TOP1MT: variants seen among roughly 807,000 people sequenced by gnomAD.
TOP1MT encodes the protein DNA topoisomerase I mitochondrial, also known as DNA topoisomerase I, mitochondrial.
TOP1MT carries 80 observed loss-of-function variants against 73.9 expected under a neutral mutation model. The observed-to-expected ratio is 1.08, with a 90% CI of 0.90 to 1.30. The LOEUF (loss-of-function observed/expected upper bound fraction) is 1.30, where lower values mean the gene tolerates loss of function less well. Ranked by LOEUF, TOP1MT falls within the 50% of genes most tolerant of loss-of-function variation. The probability of loss-of-function intolerance (pLI) is 0.00; values close to 1 mark genes in which losing one functional copy is unlikely to be tolerated. For synonymous variants in TOP1MT, 338 were observed against 326.4 expected (o/e 1.04, Z -0.38); for missense variants, 815 against 808.0 (o/e 1.01, Z -0.10).
intron 7 of TOP1MT, among the ~76,000 whole-genome samples, chr8:143,321,678 C>A (rs1200828380): frequency 7.6e-6 from 1 of 131,710 alleles, no homozygotes; most frequent in African/African-American, 3.0e-5. Flanking sequence ...ACGCCACACA[C>A]GCACGCCACG....
chr8:143,328,323 C>T lies in TOP1MT; in HGVS notation c.360+1027G>A, dbSNP rs556426145. 1.8e-5 allele frequency: 8 copies of T among 447,140 alleles called. No individual in the cohort carries two copies. In the Admixed American group the frequency reaches 2.0e-4, roughly 11 times the overall value. The allele number at this position is 447,140 out of a possible 1,614,324, so 27.7% of individuals were successfully genotyped here. A position where few individuals can be genotyped will look rare whatever the true frequency, so the allele number is the denominator to read the frequency against. ...GTGCGTCTGGCAAAGAACCTGCACC[C>T]AGGATGCGTTTTTAAAACTCCGATA... On this transcript the variant is annotated intron_variant, in intron 3 of 13. Transcript: ENST00000329245.
rs1816629647 is a variant in TOP1MT at position 143,323,935 on chromosome 8, A to G, written c.960+64T>C. 25 of 1,594,408 alleles carry G rather than the reference A, an allele frequency of 1.6e-5. No individual in the cohort carries two copies. In the South Asian group the frequency reaches 2.4e-4, roughly 16 times the overall value. On this transcript the variant is annotated intron_variant, in intron 7 of 13. Transcript: ENST00000329245. ...CCCACGTCGCCACACTGCACCATCCAACTGGGAGTCCTCGCCAGGAGAACC... is the reference window on the plus strand; with the variant it reads ...CCCACGTCGCCACACTGCACCATCCGACTGGGAGTCCTCGCCAGGAGAACC...
intron 2 of TOP1MT, among the ~76,000 whole-genome samples, chr8:143,330,098 T>C (rs1275040031): frequency 6.6e-6 from 1 of 152,210 alleles, no homozygotes; most frequent in Non-Finnish European, 1.5e-5. Flanking sequence ...GAGGAAGGCA[T>C]TTCTGATAAA....
At position 143,320,526 on chromosome 8, in the gene TOP1MT, C is replaced by G. The variant is rs187557707; in HGVS notation, c.1146+675G>C. ...AAGTGATCCTCCCACCTCAGCCTCC[C>G]GAAGCACTGAGATTACAGGAGTGCA... On this transcript the variant is annotated intron_variant, in intron 8 of 13. Coordinates refer to ENST00000329245, the MANE Select transcript of TOP1MT (RefSeq NM_052963.3). Among the ~76,000 whole-genome samples the G allele has an allele frequency of 2.0e-5, 3 of 152,322 alleles. No individual in the cohort carries two copies. In the East Asian group the frequency reaches 5.8e-4, roughly 29 times the overall value.
Position 143,344,646 on chromosome 8 carries a change from A to G in TOP1MT, c.-39+270T>C. 1 of 152,614 alleles carries G rather than the reference A, an allele frequency of 6.6e-6. No individual in the cohort carries two copies. The allele number at this position is 152,614 out of a possible 1,614,324, so 9.5% of individuals were successfully genotyped here. On this transcript the variant is annotated intron_variant, in intron 1 of 5. Transcript: ENST00000518007. This position sits in a 1 kb window ranked among gnomAD's most constrained non-coding sequence, Gnocchi z 4.6. ...ACAGGGACAGCTGATGGTCACACAG[A>G]CCCCACAGCGATCTCTGTCACTCCC...
chr8:143,351,032 G>A (rs1267471596), intron 1 of TOP1MT, among the ~76,000 whole-genome samples: 3 of 152,034 alleles, frequency 2.0e-5, no homozygotes, highest in Non-Finnish European at 2.9e-5. Context: ...GTATCTGATC[G>A]CCTTCATCAT....
chr8:143,353,830 G>A (rs1157716110), intron 1 of TOP1MT, among the ~76,000 whole-genome samples: 1 of 151,708 alleles, frequency 6.6e-6, no homozygotes, highest in Non-Finnish European at 1.5e-5. Context: ...CAGGCGTGGT[G>A]GCGGGTGCCT....
At chr8:143,323,383 T>A (rs1219241373) in intron 7 of TOP1MT, among the ~76,000 whole-genome samples, 2 of 52,748 alleles carry the variant, frequency 3.8e-5, no homozygotes, top group South Asian at 6.6e-4. Context: ...CACAGATGCA[T>A]GCCACACACA....
intron 8 of TOP1MT, among the ~76,000 whole-genome samples, chr8:143,320,843 G>A (rs1187533917): frequency 6.6e-6 from 1 of 152,172 alleles, no homozygotes; most frequent in African/African-American, 2.4e-5. Flanking sequence ...CCAGCACCTT[G>A]ACTCAGACTC....
rs747779526 is a variant in TOP1MT, at chr8:143,325,439, G to A, written c.578C>T (p.Pro193Leu). ...GCCACGGCCACGGAACAAGCCAGGC[G>A]GCTCAATCTTGAAGTTGCCTATTTT... ...QEKIGNFKIE[P>L]PGLFRGRGDH... Residue 193 changes from proline to leucine, a missense_variant, in exon 5 of 14, where the codon CCG becomes CTG. Transcript: ENST00000329245. 1.7e-5 allele frequency: 27 copies of A among 1,613,450 alleles called. No homozygotes were observed. Among genetic ancestry groups the A allele is most frequent in the South Asian group, 8.8e-5 (8 of 91,084 alleles).
intron 8 of TOP1MT, among the ~76,000 whole-genome samples, chr8:143,319,761 T>C (rs1268154292): frequency 6.6e-6 from 1 of 150,992 alleles, no homozygotes; most frequent in Non-Finnish European, 1.5e-5. Context: ...CTCCCAGGTG[T>C]ACTGGGGTGA....
At chr8:143,339,428 G>C (rs1367511115), upstream of TOP1MT, among the ~76,000 whole-genome samples, 1 of 152,178 alleles carries the variant, frequency 6.6e-6, no homozygotes, top group Non-Finnish European at 1.5e-5. Flanking sequence ...GTGGCCATGT[G>C]ACCTTGGCCC....
chr8:143,354,484 A>G (rs1817373711), intron 1 of TOP1MT, among the ~76,000 whole-genome samples: 1 of 151,388 alleles, frequency 6.6e-6, no homozygotes, highest in Admixed American at 6.6e-5. Flanking sequence ...AGGCTGAGGC[A>G]GGCGGATTAC....
At chr8:143,328,892 C>A (rs1490716338) in intron 3 of TOP1MT, among the ~76,000 whole-genome samples, 3 of 152,210 alleles carry the variant, frequency 2.0e-5, no homozygotes, top group Non-Finnish European at 4.4e-5. Flanking sequence ...GGGCGAAGGG[C>A]AGTCACCTTG....
At chr8:143,359,174 C>T (rs1817462172), upstream of TOP1MT, 1 of 966,060 alleles carries the variant, frequency 1.0e-6, no homozygotes. Context: ...TGCATAGAGA[C>T]TCCCCTGAAA....
At chr8:143,310,921 C>T (rs1054022742) in intron 12 of TOP1MT, among the ~76,000 whole-genome samples, 1 of 151,284 alleles carries the variant, frequency 6.6e-6, no homozygotes, top group Non-Finnish European at 1.5e-5. Context: ...AGCACGCACA[C>T]ACAGTCCTTC....
chr8:143,322,385 G>A (rs1242206516), intron 7 of TOP1MT, among the ~76,000 whole-genome samples: 5 of 63,412 alleles, frequency 7.9e-5, no homozygotes, highest in Non-Finnish European at 9.3e-5. Flanking sequence ...CGCCACACAC[G>A]CACGCCACAC....
rs201990930 is a variant in TOP1MT at position 143,318,103 on chromosome 8, G to A, written c.1147-17C>T. The A allele has an allele frequency of 9.1e-5, 147 of 1,613,086 alleles. No individual in the cohort carries two copies. The highest frequency in any genetic ancestry group is 8.3e-4 in the Middle Eastern group (5 of 6,052). ...CTTGTACACCTGAAGGAGAAAGAAG[G>A]AATTTCAGAGGACAGAAAAAACCCG... On this transcript the variant is annotated splice_polypyrimidine_tract_variant and intron_variant, in intron 8 of 13. Coordinates refer to ENST00000329245, the MANE Select transcript of TOP1MT (RefSeq NM_052963.3).
intron 1 of TOP1MT, chr8:143,350,096 C>T (rs982805145): frequency 6.6e-6 from 1 of 152,258 alleles, no homozygotes; most frequent in African/African-American, 2.4e-5. Flanking sequence ...AACTCCAAGA[C>T]AGCACATCGT....
Sources: allele counts gnomAD v4.1 joint callset (sites outside exome capture counted in the v4.1 genomes callset), GRCh38; gene constraint gnomAD v4.1.1; non-coding constraint Gnocchi (gnomAD v3.1); transcripts MANE v1.5; gene names NCBI Gene and HGNC (gene_info 2026-07-23, HGNC 2026-07-21).